GALNT13: variants seen among roughly 807,000 people sequenced by gnomAD.
The protein encoded by GALNT13 is UDP-GalNAc:polypeptide N-acetylgalactosaminyltransferase 13.
GALNT13 carries 28 observed loss-of-function variants against 64.2 expected under a neutral mutation model. That is an observed-to-expected ratio of 0.44 (90% CI 0.32 to 0.60). GALNT13 has a LOEUF of 0.60. Ranked by LOEUF, GALNT13 falls within the 20% of genes least tolerant of loss-of-function variation. The pLI is 0.05. For synonymous variants in GALNT13, 214 were observed against 224.6 expected, an observed-to-expected ratio of 0.95 and a Z score of 0.42; for missense variants, 577 against 669.8, an observed-to-expected ratio of 0.86 and a Z score of 1.53.
At chr2:153,890,689 G>A (rs1574054420) in intron 1 of GALNT13, among the ~76,000 whole-genome samples, 2 of 152,156 alleles carry the variant, frequency 1.3e-5, no homozygotes, top group African/African-American at 4.8e-5. Flanking sequence ...GAAAACAAAA[G>A]GAAAGGAAAG....
chr2:153,414,397 TA>T, the GALNT13 span, among the ~76,000 whole-genome samples: 202 of 148,316 alleles, frequency 1.4e-3, 2 homozygotes, highest in African/African-American at 3.6e-3. Flanking sequence ...AAAAAAAAAA[TA>T]AAATAAAAAG....
the GALNT13 span, among the ~76,000 whole-genome samples, chr2:153,122,190 A>C: frequency 6.6e-6 from 1 of 151,928 alleles, no homozygotes; most frequent in Non-Finnish European, 1.5e-5. Flanking sequence ...ATGAGGTATA[A>C]ACTTTACCTA....
At chr2:153,830,902 T>A in the GALNT13 span, among the ~76,000 whole-genome samples, 1 of 152,212 alleles carries the variant, frequency 6.6e-6, no homozygotes, top group Non-Finnish European at 1.5e-5. Context: ...ATAATAACCA[T>A]TTTTTAAATA....
the GALNT13 span, among the ~76,000 whole-genome samples, chr2:153,327,537 A>G: frequency 2.4e-4 from 36 of 151,808 alleles, no homozygotes; most frequent in Non-Finnish European, 4.4e-4. Flanking sequence ...TTTATTTCAT[A>G]AAGTTGATCT....
the GALNT13 span, among the ~76,000 whole-genome samples, chr2:153,136,887 C>G: frequency 1.3e-5 from 2 of 151,550 alleles, no homozygotes; most frequent in South Asian, 4.2e-4. Flanking sequence ...CATCTGTGTT[C>G]TAGAACAGTG....
chr2:153,326,307 T>A, the GALNT13 span, among the ~76,000 whole-genome samples: 1 of 97,840 alleles, frequency 1.0e-5, no homozygotes, highest in East Asian at 3.2e-4. Flanking sequence ...AACTTTGGCC[T>A]TTTTTTTTTT....
At chr2:153,247,988 A>T in the GALNT13 span, among the ~76,000 whole-genome samples, 127,002 of 152,154 alleles carry the variant, frequency 0.83, 54,238 homozygotes, top group African/African-American at 0.93. Context: ...CCTGGACACA[A>T]ACACCCTCCC....
the GALNT13 span, among the ~76,000 whole-genome samples, chr2:153,248,848 A>AAC: frequency 1.3e-5 from 2 of 149,808 alleles, no homozygotes; most frequent in African/African-American, 2.5e-5. Context: ...GAAAAAAAAA[A>AAC]CCCTCAATAA....
At chr2:153,795,058 T>C in the GALNT13 span, among the ~76,000 whole-genome samples, 1 of 152,154 alleles carries the variant, frequency 6.6e-6, no homozygotes, top group Non-Finnish European at 1.5e-5. Flanking sequence ...CCTCACAGGT[T>C]TGGCTTTCAG....
chr2:154,029,003 A>T (rs1038266182), intron 3 of GALNT13, among the ~76,000 whole-genome samples: 1 of 152,068 alleles, frequency 6.6e-6, no homozygotes, highest in African/African-American at 2.4e-5. Flanking sequence ...GCCAGATAGC[A>T]GTAAGAATTT....
the GALNT13 span, among the ~76,000 whole-genome samples, chr2:153,503,669 G>A: frequency 1.3e-5 from 2 of 152,040 alleles, no homozygotes; most frequent in Admixed American, 1.3e-4. Context: ...TCAAACTCCT[G>A]GCCTCAAATG....
chr2:153,620,392 G>A, the GALNT13 span, among the ~76,000 whole-genome samples: 1 of 151,976 alleles, frequency 6.6e-6, no homozygotes, highest in African/African-American at 2.4e-5. Flanking sequence ...CCAAAGTGCT[G>A]GGATTACAGG....
chr2:153,988,098 A>G (rs1243064751), intron 3 of GALNT13, among the ~76,000 whole-genome samples: 1 of 151,680 alleles, frequency 6.6e-6, no homozygotes, highest in East Asian at 1.9e-4. Context: ...ACACACACAC[A>G]CATATACAAT....
chr2:153,868,636 G>A (rs1280435285), upstream of GALNT13, among the ~76,000 whole-genome samples: 1 of 152,110 alleles, frequency 6.6e-6, no homozygotes, highest in African/African-American at 2.4e-5. Context: ...TTTAGAATGA[G>A]CGCCTTGGTT....
At chr2:153,101,950 CTA>C in the GALNT13 span, among the ~76,000 whole-genome samples, 1 of 152,178 alleles carries the variant, frequency 6.6e-6, no homozygotes, top group Non-Finnish European at 1.5e-5. Flanking sequence ...ATTTATGTAT[CTA>C]TAATATTTCA....
At chr2:154,028,986 A>G (rs888476198) in intron 3 of GALNT13, among the ~76,000 whole-genome samples, 5 of 152,084 alleles carry the variant, frequency 3.3e-5, no homozygotes, top group African/African-American at 9.7e-5. Context: ...TTCCTGGAGC[A>G]GATACTGCCA....
upstream of GALNT13, among the ~76,000 whole-genome samples, chr2:153,867,074 G>C (rs140581067): frequency 1.0e-3 from 158 of 152,304 alleles, 2 homozygotes; most frequent in East Asian, 0.027. Context: ...ATCTGCAGCT[G>C]ACATGGTTAC....
At chr2:153,677,267 C>G in the GALNT13 span, among the ~76,000 whole-genome samples, 1 of 147,296 alleles carries the variant, frequency 6.8e-6, no homozygotes, top group Admixed American at 6.8e-5. Flanking sequence ...AGGACACAAT[C>G]CTATTCACAA....
chr2:154,154,580 T>C (rs903719304), intron 4 of GALNT13, among the ~76,000 whole-genome samples: 3 of 152,122 alleles, frequency 2.0e-5, no homozygotes, highest in Non-Finnish European at 4.4e-5. Context: ...TTGACTATTA[T>C]AGTCACATAG....
Sources: allele counts gnomAD v4.1 joint callset (sites outside exome capture counted in the v4.1 genomes callset), GRCh38; gene constraint gnomAD v4.1.1; transcripts MANE v1.5; gene names NCBI Gene and HGNC (gene_info 2026-07-23, HGNC 2026-07-21).